The following DNAH6 variants were observed in gnomAD, a reference collection of about 807,000 sequenced individuals.
DNAH6 encodes the protein dynein axonemal heavy chain 6.
Under a neutral mutation model 491.4 loss-of-function variants are expected in DNAH6, and 340 were observed. The ratio of observed to expected loss-of-function variants is 0.69; its 90% CI spans 0.63 to 0.76. The LOEUF (loss-of-function observed/expected upper bound fraction) is 0.76, where lower values mean the gene tolerates loss of function less well. Ranked by LOEUF, DNAH6 falls within the 30% of genes least tolerant of loss-of-function variation. The probability of loss-of-function intolerance (pLI) is 0.00; values close to 1 mark genes in which losing one functional copy is unlikely to be tolerated. For missense variants in DNAH6, 4,443 were observed against 4,972.2 expected (o/e 0.89, Z 3.20); for synonymous variants, 1,603 against 1,686.1 (o/e 0.95, Z 1.21).
chr2:84,700,938 C>T (rs1314115369), intron 48 of DNAH6, among the ~76,000 whole-genome samples, 159 bp from the exon 49 acceptor site: 1 of 152,122 alleles, frequency 6.6e-6, no homozygotes, highest in Non-Finnish European at 1.5e-5. Flanking sequence ...TGGACAGAGC[C>T]CTTCAGTTCA....
chr2:84,695,964 A>G (rs1695344960), intron 46 of DNAH6, among the ~76,000 whole-genome samples: 1 of 152,030 alleles, frequency 6.6e-6, no homozygotes, highest in Non-Finnish European at 1.5e-5. Flanking sequence ...TGAAGAGTAA[A>G]CGTAACCATA....
Position 84,547,382 on chromosome 2 carries a change from C to G in DNAH6, c.1045C>G (p.Gln349Glu). ...CACCCTGCAGGAATTTAAGGCCGCACAAGTCATACGGCTAGCAGAGGTAAC... is the reference window on the plus strand; with the variant it reads ...CACCCTGCAGGAATTTAAGGCCGCAGAAGTCATACGGCTAGCAGAGGTAAC... ...TYTLQEFKAA[Q>E]VIRLAEVTER... Residue 349 changes from glutamine to glutamate, a missense_variant, in exon 6 of 77, where the codon CAA becomes GAA. Gln to Glu is a conservative substitution (Grantham distance 29). This residue lies in a region of DNAH6 where 2,977 missense variants were observed against 3,296.6 expected (regional missense o/e 0.90). Coordinates refer to ENST00000389394, the MANE Select transcript of DNAH6 (RefSeq NM_001370.2). 1 of 1,551,758 alleles carries G rather than the reference C, an allele frequency of 6.4e-7. No individual in the cohort carries two copies. Among genetic ancestry groups the G allele is most frequent in the East Asian group, 2.4e-5 (1 of 40,920 alleles).
At chr2:84,595,844 T>C (rs1253148793) in intron 18 of DNAH6, 55 bp downstream of exon 18, 3 of 1,437,606 alleles carry the variant, frequency 2.1e-6, no homozygotes, top group Non-Finnish European at 2.7e-6. Flanking sequence ...TATTAATTGA[T>C]GCTAATGAGA....
chr2:84,463,381 A>T, the DNAH6 span, among the ~76,000 whole-genome samples: 1 of 152,204 alleles, frequency 6.6e-6, no homozygotes, highest in South Asian at 2.1e-4. Flanking sequence ...ATTGGATGGA[A>T]CCTTTAGTTG....
At chr2:84,713,395 T>C in intron 57 of DNAH6, 136 bp downstream of exon 57, 2 of 781,968 alleles carry the variant, frequency 2.6e-6, no homozygotes, top group South Asian at 4.0e-5. Context: ...TCCCCTTTCT[T>C]CCACCATCTT....
intron 40 of DNAH6, among the ~76,000 whole-genome samples, chr2:84,673,590 C>A (rs79176145): frequency 0.075 from 11,355 of 152,248 alleles, 426 homozygotes; most frequent in Middle Eastern, 0.18. Flanking sequence ...ATGATCCCGA[C>A]GTCCCACAAT....
At chr2:84,685,916 G>A (rs181182543) in intron 43 of DNAH6, among the ~76,000 whole-genome samples, 6 of 152,258 alleles carry the variant, frequency 3.9e-5, no homozygotes, top group Non-Finnish European at 5.9e-5. Flanking sequence ...TAGGCCAGGC[G>A]CAGTGGTCAT....
At chr2:84,769,536 A>G (rs2105168257) in intron 64 of DNAH6, among the ~76,000 whole-genome samples, 1 of 152,314 alleles carries the variant, frequency 6.6e-6, no homozygotes, top group South Asian at 2.1e-4. Context: ...CTCATTCTCT[A>G]GCTTAGCAAT....
At chr2:84,642,934 T>A (rs1689564184) in intron 33 of DNAH6, among the ~76,000 whole-genome samples, 2 of 152,102 alleles carry the variant, frequency 1.3e-5, no homozygotes, top group Admixed American at 1.3e-4. Context: ...AAAATAAAAA[T>A]TTTCATTTTA....
At chr2:84,631,111 G>A (rs750387905) in intron 29 of DNAH6, among the ~76,000 whole-genome samples, 8 of 152,046 alleles carry the variant, frequency 5.3e-5, no homozygotes, top group Non-Finnish European at 1.2e-4. Context: ...GCTGAGAGCC[G>A]ACCTGACTCA....
intron 57 of DNAH6, 79 bp from the exon 58 acceptor site, chr2:84,715,481 T>C: frequency 4.4e-6 from 6 of 1,350,966 alleles, no homozygotes; most frequent in Non-Finnish European, 6.2e-6. Flanking sequence ...TGGGTAGTAA[T>C]GAGCTGTGTT....
At chr2:84,816,460 AC>A (rs1680494943) in intron 76 of DNAH6, among the ~76,000 whole-genome samples, 1 of 152,186 alleles carries the variant, frequency 6.6e-6, no homozygotes, top group African/African-American at 2.4e-5. Flanking sequence ...AAGGTGGCTC[AC>A]CCCTTTAATC....
intron 44 of DNAH6, among the ~76,000 whole-genome samples, chr2:84,688,038 C>T (rs977548841): frequency 2.6e-5 from 4 of 152,032 alleles, no homozygotes; most frequent in African/African-American, 7.2e-5. Context: ...AGCTCGAGAT[C>T]AGCCTGGCCA....
At chr2:84,772,538 G>A (rs973605393) in intron 64 of DNAH6, among the ~76,000 whole-genome samples, 13 of 151,918 alleles carry the variant, frequency 8.6e-5, no homozygotes, top group African/African-American at 3.1e-4. Context: ...ACTTCAAGAC[G>A]AAAGTTGTTA....
chr2:84,567,990 C>T lies in DNAH6; in HGVS notation c.1804-5477C>T, dbSNP rs963118318. Among the ~76,000 whole-genome samples the T allele has an allele frequency of 2.6e-5, 4 of 152,112 alleles. No individual in the cohort carries two copies. The East Asian group carries it at 7.7e-4, about 29-fold the overall frequency. On this transcript the variant is annotated intron_variant, in intron 11 of 76. Coordinates refer to ENST00000389394, the MANE Select transcript of DNAH6 (RefSeq NM_001370.2). ...TGTGGCATATATATAAACTCAACAT[C>T]ACTGATCATTAGAGAAATGCAAATC...
intron 10 of DNAH6, among the ~76,000 whole-genome samples, chr2:84,554,713 G>A (rs1231381235): frequency 6.6e-6 from 1 of 152,238 alleles, no homozygotes; most frequent in Admixed American, 6.5e-5. Flanking sequence ...AGACTACTGA[G>A]GTCCCTGTGA....
chr2:84,598,147 C>CTTTCTTTCTTTCTTTCTT (rs1238320415), intron 18 of DNAH6, among the ~76,000 whole-genome samples: 1 of 60,478 alleles, frequency 1.7e-5, no homozygotes, highest in Non-Finnish European at 3.9e-5. Context: ...TTCTTTCTTT[C>CTTTCTTTCTTTCTTTCTT]TTTCTTTCTT....
At chr2:84,477,307 T>C in the DNAH6 span, among the ~76,000 whole-genome samples, 1 of 152,142 alleles carries the variant, frequency 6.6e-6, no homozygotes, top group Non-Finnish European at 1.5e-5. Flanking sequence ...ATACAATCAA[T>C]CTAGGAGCCT....
At chr2:84,706,178 A>T (rs1021800237) in intron 52 of DNAH6, among the ~76,000 whole-genome samples, 2 of 152,218 alleles carry the variant, frequency 1.3e-5, no homozygotes, top group Admixed American at 6.5e-5. Context: ...CAGGTTACTG[A>T]AAGAACTGTG....
Sources: gnomAD v4.1 joint callset for allele counts (sites outside exome capture counted in the v4.1 genomes callset) on GRCh38, gnomAD v4.1.1 for gene constraint, gnomAD v4.1.1 regional missense constraint, MANE v1.5 for transcripts, NCBI Gene and HGNC (gene_info 2026-07-23, HGNC 2026-07-21) for gene names.